The following MAPK10 variants were observed in gnomAD, a reference collection of about 807,000 sequenced individuals.
MAPK10 encodes mitogen-activated protein kinase 10, also known as JNK3 alpha protein kinase.
A neutral mutation model predicts 59.3 loss-of-function variants in MAPK10; 25 were observed. The observed-to-expected ratio is 0.42, with a 90% confidence interval of 0.31 to 0.59. The LOEUF (loss-of-function observed/expected upper bound fraction) is 0.59, where lower values mean the gene tolerates loss of function less well. MAPK10 is among the 20% of genes least tolerant of loss of function. The pLI, the probability that MAPK10 is intolerant of heterozygous loss-of-function variation, is 0.15. For missense variants in MAPK10, 351 were observed against 568.9 expected (o/e 0.62, Z 3.90); for synonymous variants, 190 against 200.5 (o/e 0.95, Z 0.44).
chr4:86,111,305 A>T (rs191655758), intron 4 of MAPK10, among the ~76,000 whole-genome samples: 46 of 152,226 alleles, frequency 3.0e-4, no homozygotes, highest in Admixed American at 1.0e-3. Flanking sequence ...GTCTTGTGTC[A>T]GTTTTCAGGG....
intron 4 of MAPK10, among the ~76,000 whole-genome samples, chr4:86,121,121 C>A (rs186899614): frequency 3.9e-4 from 59 of 152,250 alleles, no homozygotes; most frequent in African/African-American, 1.4e-3. Context: ...TGCCTACATA[C>A]GATGATTTAA....
rs145745581 is a variant in MAPK10 at position 86,568,908 on chromosome 4, C to CA, written c.-263+25001dup. ...GGCTAAGAATTTATGACTAAGCCTTCAAAAAAAATGCAACAACAACAACAA... is the reference window on the plus strand; with the variant it reads ...GGCTAAGAATTTATGACTAAGCCTTCAAAAAAAAATGCAACAACAACAACAA... On this transcript the variant is annotated intron_variant, in intron 1 of 4. Transcript: ENST00000502302. Among the ~76,000 whole-genome samples, 16 of 151,368 alleles carry CA rather than the reference C, an allele frequency of 1.1e-4. No individual in the cohort carries two copies. In the South Asian group the frequency reaches 2.3e-3, roughly 22 times the overall value.
intron 9 of MAPK10, among the ~76,000 whole-genome samples, chr4:86,070,438 T>C (rs35823399): frequency 0.22 from 33,871 of 150,684 alleles, 3,967 homozygotes; most frequent in South Asian, 0.26. Flanking sequence ...ATGTGCACAT[T>C]GTGCAGGTTA....
chr4:86,573,978 A>T (rs1490265575), intron 1 of MAPK10, among the ~76,000 whole-genome samples: 1 of 152,198 alleles, frequency 6.6e-6, no homozygotes, highest in Non-Finnish European at 1.5e-5. Flanking sequence ...ATATGTATAC[A>T]GGTGCCATGC....
intron 1 of MAPK10, among the ~76,000 whole-genome samples, chr4:86,587,458 G>T (rs1762726484): frequency 6.6e-6 from 1 of 152,222 alleles, no homozygotes; most frequent in South Asian, 2.1e-4. Context: ...TCACTTGGAA[G>T]TGTTAGTATT....
chr4:86,452,894 C>T, intron 1 of MAPK10: 1 of 152,258 alleles, frequency 6.6e-6, no homozygotes, highest in Middle Eastern at 3.4e-3. Context: ...AAGGGTCCTG[C>T]AGGACCCAGG....
intron 12 of MAPK10, among the ~76,000 whole-genome samples, chr4:86,030,047 C>A (rs562303009): frequency 9.2e-5 from 14 of 152,116 alleles, no homozygotes; most frequent in Non-Finnish European, 2.1e-4. Context: ...AATCATCATC[C>A]TTTACATGTA....
intron 1 of MAPK10, among the ~76,000 whole-genome samples, chr4:86,384,993 C>G (rs933801381): frequency 6.6e-6 from 1 of 151,934 alleles, no homozygotes; most frequent in African/African-American, 2.4e-5. Context: ...AGATATGATA[C>G]ATTTAATTAC....
rs373867629 is a variant in MAPK10, at chr4:86,069,643, A to G, written c.803-1688T>C. ...GTTAAATAAAACCTAAGTGCTTGTC[A>G]TTATAAATTATGAAGAGACATTTTT... On this transcript the variant is annotated intron_variant, in intron 9 of 13. Coordinates refer to ENST00000641462, the MANE Select transcript of MAPK10 (RefSeq NM_138982.4). 2.0e-5 allele frequency among the ~76,000 whole-genome samples: 3 copies of G among 152,128 alleles called. No homozygotes were observed. In the East Asian group the frequency reaches 5.8e-4, roughly 29 times the overall value.
In MAPK10 at chr4:86,390,534, G is replaced by A. The variant is rs143139024; in HGVS notation, c.-121-35890C>T. ...AGAGCACTTAGAAAGCTTCAAATAT[G>A]TTTTCTGCAGTTGGAGACATGTGTG... On this transcript the variant is annotated intron_variant, in intron 1 of 13. Transcript: ENST00000361569. Among the ~76,000 whole-genome samples the A allele has an allele frequency of 1.5e-3, 227 of 152,294 alleles. 4 individuals are homozygous for A. The East Asian group carries it at 0.039, about 26-fold the overall frequency.
At chr4:86,253,444 G>T (rs2093557280) in intron 2 of MAPK10, among the ~76,000 whole-genome samples, 1 of 118,740 alleles carries the variant, frequency 8.4e-6, no homozygotes, top group Admixed American at 7.9e-5. Flanking sequence ...TGTGGTTTTT[G>T]TCTTTGGCTC....
At chr4:86,141,132 A>G (rs2063550815) in intron 4 of MAPK10, among the ~76,000 whole-genome samples, 1 of 152,184 alleles carries the variant, frequency 6.6e-6, no homozygotes, top group South Asian at 2.1e-4. Context: ...TTAGGTTTTA[A>G]AAGGCCTTGT....
intron 1 of MAPK10, among the ~76,000 whole-genome samples, chr4:86,470,020 G>A (rs1298732275): frequency 6.6e-6 from 1 of 152,192 alleles, no homozygotes; most frequent in East Asian, 1.9e-4. Context: ...AATGATAGCT[G>A]ATTTAAGATT....
intron 2 of MAPK10, among the ~76,000 whole-genome samples, chr4:86,337,732 G>A (rs947225457): frequency 2.0e-5 from 3 of 152,142 alleles, no homozygotes; most frequent in African/African-American, 7.2e-5. Flanking sequence ...CTAATTCCCT[G>A]GAGAACCCAA....
chr4:86,382,299 G>A (rs1457382047), intron 1 of MAPK10, among the ~76,000 whole-genome samples: 1 of 151,980 alleles, frequency 6.6e-6, no homozygotes, highest in African/African-American at 2.4e-5. Context: ...ACACTGACCT[G>A]GCACTGACCC....
At chr4:86,482,011 C>T (rs1753651386) in intron 1 of MAPK10, among the ~76,000 whole-genome samples, 2 of 152,096 alleles carry the variant, frequency 1.3e-5, no homozygotes, top group Admixed American at 1.3e-4. Context: ...GAAAACAGTG[C>T]AGTTTATTAG....
At chr4:86,521,368 G>A (rs189629780) in intron 1 of MAPK10, among the ~76,000 whole-genome samples, 10 of 152,316 alleles carry the variant, frequency 6.6e-5, no homozygotes, top group Admixed American at 4.6e-4. Flanking sequence ...GCTCCCAAGA[G>A]TTTTTGTCTT....
At chr4:86,498,394 A>T (rs191633927) in intron 1 of MAPK10, among the ~76,000 whole-genome samples, 1 of 152,314 alleles carries the variant, frequency 6.6e-6, no homozygotes, top group Admixed American at 6.5e-5. Context: ...TATTTTATCT[A>T]ACTCTAGTTA....
chr4:86,389,644 T>C (rs1009730325), intron 1 of MAPK10, among the ~76,000 whole-genome samples: 4 of 151,444 alleles, frequency 2.6e-5, no homozygotes, highest in Admixed American at 1.3e-4. Context: ...GAATGAAGAA[T>C]TGTCCTGTGT....
Sources: gnomAD v4.1 joint callset for allele counts (sites outside exome capture counted in the v4.1 genomes callset) on GRCh38, gnomAD v4.1.1 for gene constraint, MANE v1.5 for transcripts, NCBI Gene and HGNC (gene_info 2026-07-23, HGNC 2026-07-21) for gene names.